Variants in MARCHF1 observed in about 807,000 individuals in gnomAD.
The protein encoded by MARCHF1 is E3 ubiquitin-protein ligase MARCHF1.
In MARCHF1, 40 loss-of-function variants were observed where a neutral mutation model predicts 54.2. The ratio of observed to expected loss-of-function variants is 0.74; its 90% CI spans 0.57 to 0.96. MARCHF1 has a LOEUF of 0.96. Ranked by LOEUF, MARCHF1 falls within the 40% of genes least tolerant of loss-of-function variation. The probability of loss-of-function intolerance (pLI) is 0.00; values close to 1 mark genes in which losing one functional copy is unlikely to be tolerated. For synonymous variants in MARCHF1, 236 were observed against 236.3 expected (o/e 1.00, Z 0.01); for missense variants, 586 against 656.5 (o/e 0.89, Z 1.17).
intron 2 of MARCHF1, among the ~76,000 whole-genome samples, chr4:164,052,103 A>C (rs576083762): frequency 1.1e-3 from 173 of 151,912 alleles, no homozygotes; most frequent in Admixed American, 2.0e-3. Flanking sequence ...ATTCCAAGAC[A>C]ATTCTGAGGC....
At chr4:163,919,466 A>G (rs1389046322) in intron 3 of MARCHF1, among the ~76,000 whole-genome samples, 1 of 151,996 alleles carries the variant, frequency 6.6e-6, no homozygotes, top group African/African-American at 2.4e-5. Flanking sequence ...AAAGGACATA[A>G]GAATTACAAT....
At chr4:164,292,538 A>G (rs1398830409) in intron 1 of MARCHF1, among the ~76,000 whole-genome samples, 1 of 152,162 alleles carries the variant, frequency 6.6e-6, no homozygotes, top group Non-Finnish European at 1.5e-5. Flanking sequence ...TGGTTTTCAC[A>G]TGGTTTGTTT....
At chr4:164,360,926 T>C (rs1453789922) in intron 1 of MARCHF1, among the ~76,000 whole-genome samples, 1 of 151,572 alleles carries the variant, frequency 6.6e-6, no homozygotes, top group Non-Finnish European at 1.5e-5. Context: ...CAAATACACA[T>C]AAAATGAACC....
At chr4:163,924,818 T>C (rs891002000) in intron 3 of MARCHF1, among the ~76,000 whole-genome samples, 10 of 151,828 alleles carry the variant, frequency 6.6e-5, no homozygotes, top group African/African-American at 2.4e-4. Flanking sequence ...CTCTTTCCTA[T>C]TGTTTATAAT....
chr4:163,834,611 C>T (rs1469929472), intron 4 of MARCHF1, among the ~76,000 whole-genome samples: 1 of 117,378 alleles, frequency 8.5e-6, no homozygotes, highest in Non-Finnish European at 1.7e-5. Flanking sequence ...CCTCCCCCCA[C>T]CCCACAACAG....
In MARCHF1 at chr4:163,816,418, A is replaced by AT. The variant is rs1232964079; in HGVS notation, c.111+37602_111+37603insA. Among the ~76,000 whole-genome samples the AT allele has an allele frequency of 4.5e-4, 69 of 152,008 alleles. 1 individual carries two copies. The highest frequency in any genetic ancestry group is 1.6e-3 in the African/African-American group (65 of 41,502). On this transcript the variant is annotated intron_variant, in intron 4 of 9. Transcript: ENST00000514618. ...ATAAATAGTATTCAAGTTCAACTAA[A>AT]ACTCTTTACCTTCATACATACAAGG...
intron 3 of MARCHF1, among the ~76,000 whole-genome samples, chr4:163,976,377 T>C (rs1752650012): frequency 6.6e-6 from 1 of 152,162 alleles, no homozygotes; most frequent in Admixed American, 6.6e-5. Flanking sequence ...GAGGTGATAC[T>C]TTAGAGGTCT....
intron 9 of MARCHF1, among the ~76,000 whole-genome samples, chr4:163,538,920 G>C (rs1412458313): frequency 6.6e-6 from 1 of 152,118 alleles, no homozygotes; most frequent in Non-Finnish European, 1.5e-5. Flanking sequence ...ACCTGCTTTG[G>C]CCAATAGGAC....
intron 1 of MARCHF1, among the ~76,000 whole-genome samples, chr4:164,226,347 T>A (rs920197969): frequency 4.6e-5 from 7 of 151,978 alleles, no homozygotes; most frequent in Non-Finnish European, 8.8e-5. Flanking sequence ...GAAAATAAGC[T>A]ATTAGAGTCG....
chr4:163,775,601 G>A (rs1747282470), intron 4 of MARCHF1, among the ~76,000 whole-genome samples: 2 of 152,166 alleles, frequency 1.3e-5, no homozygotes, highest in Admixed American at 1.3e-4. Context: ...AAATTCCTAA[G>A]TCAGGGAAGG....
chr4:164,159,454 C>G (rs1340880721), intron 1 of MARCHF1, among the ~76,000 whole-genome samples: 2 of 151,870 alleles, frequency 1.3e-5, no homozygotes, highest in African/African-American at 4.8e-5. Context: ...TTTTAATAAA[C>G]CAATGGGTAA....
At chr4:164,097,367 T>C (rs1332707331) in intron 2 of MARCHF1, among the ~76,000 whole-genome samples, 5 of 152,154 alleles carry the variant, frequency 3.3e-5, no homozygotes, top group Non-Finnish European at 7.4e-5. Context: ...TTATGACTAG[T>C]CAGTAAACCA....
chr4:163,534,831 C>T (rs565052045), intron 9 of MARCHF1, among the ~76,000 whole-genome samples: 8 of 151,768 alleles, frequency 5.3e-5, no homozygotes, highest in South Asian at 2.1e-4. Context: ...GCATTTGCAA[C>T]GAACACGTGT....
intron 4 of MARCHF1, among the ~76,000 whole-genome samples, chr4:163,849,906 AG>A (rs5863635): frequency 0.047 from 7,092 of 152,148 alleles, 450 homozygotes; most frequent in East Asian, 0.25. Flanking sequence ...CTGATTACTA[AG>A]TTATTACCTC....
chr4:163,543,286 A>C (rs1453691754), intron 9 of MARCHF1, among the ~76,000 whole-genome samples: 1 of 152,100 alleles, frequency 6.6e-6, no homozygotes, highest in Non-Finnish European at 1.5e-5. Context: ...CATGGATGGT[A>C]GCCATAGGGA....
At chr4:163,676,255 G>C (rs1743915326) in intron 5 of MARCHF1, among the ~76,000 whole-genome samples, 1 of 151,486 alleles carries the variant, frequency 6.6e-6, no homozygotes, top group South Asian at 2.1e-4. Flanking sequence ...TACTAGGGAG[G>C]CTGAGGCAGG....
chr4:164,342,797 G>T (rs1729968328), intron 1 of MARCHF1, among the ~76,000 whole-genome samples: 1 of 151,984 alleles, frequency 6.6e-6, no homozygotes, highest in South Asian at 2.1e-4. Context: ...ACAATGGAAT[G>T]TTATTTAGCC....
intron 3 of MARCHF1, among the ~76,000 whole-genome samples, chr4:163,929,346 T>A (rs1751604098): frequency 6.6e-6 from 1 of 152,030 alleles, no homozygotes; most frequent in Non-Finnish European, 1.5e-5. Flanking sequence ...GGCAAAGCAC[T>A]TAAAGCAGTG....
chr4:163,945,334 T>C (rs1230498791), intron 3 of MARCHF1, among the ~76,000 whole-genome samples: 2 of 152,162 alleles, frequency 1.3e-5, no homozygotes, highest in Admixed American at 1.3e-4. Context: ...GAAAATAAGA[T>C]AATCAAACAT....
Sources: allele counts gnomAD v4.1 joint callset (sites outside exome capture counted in the v4.1 genomes callset), GRCh38; gene constraint gnomAD v4.1.1; transcripts MANE v1.5; gene names NCBI Gene and HGNC (gene_info 2026-07-23, HGNC 2026-07-21).